Variants in SLC2A13 observed in about 807,000 individuals in gnomAD.
SLC2A13 encodes proton myo-inositol cotransporter.
SLC2A13 carries 32 observed loss-of-function variants against 64.4 expected under a neutral mutation model. The observed-to-expected ratio is 0.50, with a 90% CI of 0.37 to 0.67. The LOEUF (loss-of-function observed/expected upper bound fraction) is 0.67, where lower values mean the gene tolerates loss of function less well. SLC2A13 is among the 30% of genes least tolerant of loss of function. SLC2A13 has a pLI of 0.00. For synonymous variants in SLC2A13, 338 were observed against 327.1 expected (o/e 1.03, Z -0.36); for missense variants, 743 against 829.2 (o/e 0.90, Z 1.28).
rs999685109 is a variant in SLC2A13, at chr12:40,095,942, G to GT, written c.556+9310dup. ...TTTTTTGGGGTTTTTCTGTTTGTTTGTTTTTTTCTTGAGACGGAGTCTCGC... is the reference window on the plus strand; with the variant it reads ...TTTTTTGGGGTTTTTCTGTTTGTTTGTTTTTTTTCTTGAGACGGAGTCTCGC... On this transcript the variant is annotated intron_variant, in intron 1 of 9. Coordinates refer to ENST00000280871, the MANE Select transcript of SLC2A13 (RefSeq NM_052885.4). 4.3e-4 allele frequency among the ~76,000 whole-genome samples: 65 copies of GT among 152,058 alleles called. 1 individual carries two copies. The highest frequency in any genetic ancestry group is 6.9e-4 in the Non-Finnish European group (47 of 67,986).
intron 3 of SLC2A13, among the ~76,000 whole-genome samples, chr12:40,012,887 G>C (rs1049897971): frequency 6.6e-6 from 1 of 152,086 alleles, no homozygotes; most frequent in Non-Finnish European, 1.5e-5. Flanking sequence ...CAGGCCTCCG[G>C]GACTGAATGA....
chr12:39,911,755 T>C (rs1380199478), intron 4 of SLC2A13, among the ~76,000 whole-genome samples: 1 of 151,990 alleles, frequency 6.6e-6, no homozygotes, highest in Non-Finnish European at 1.5e-5. Flanking sequence ...ATAGGAAATA[T>C]AAAATTAGGT....
chr12:40,006,519 T>C (rs1463107734), intron 3 of SLC2A13, among the ~76,000 whole-genome samples: 1 of 152,130 alleles, frequency 6.6e-6, no homozygotes, highest in Non-Finnish European at 1.5e-5. Context: ...AGCTTATTAG[T>C]AAGAAAATTA....
At chr12:40,034,702 T>G (rs1405464476) in intron 2 of SLC2A13, among the ~76,000 whole-genome samples, 1 of 152,182 alleles carries the variant, frequency 6.6e-6, no homozygotes, top group African/African-American at 2.4e-5. Flanking sequence ...AAGTTGGTAT[T>G]CTTTCACAAA....
In SLC2A13 at chr12:39,759,641, T is replaced by G. The variant is rs767373219; in HGVS notation, c.*385A>C. ...TTGGACCATCTCCCAGAATCCTTTA[T>G]AAATATATTATACATATGTAATTTG... is the stretch of plus-strand genomic sequence containing the variant. On this transcript the variant is annotated 3_prime_UTR_variant, in exon 10 of 10. Coordinates refer to ENST00000280871, the MANE Select transcript of SLC2A13 (RefSeq NM_052885.4). 1.9e-4 allele frequency: 31 copies of G among 167,206 alleles called. No individual in the cohort carries two copies. Among genetic ancestry groups the G allele is most frequent in the Non-Finnish European group, 2.7e-4 (21 of 77,834 alleles). 10.4% of individuals were successfully genotyped at this position (167,206 alleles called of 1,614,324 possible).
intron 4 of SLC2A13, among the ~76,000 whole-genome samples, chr12:39,910,309 C>T (rs1277332308): frequency 6.6e-6 from 1 of 152,060 alleles, no homozygotes; most frequent in Non-Finnish European, 1.5e-5. Flanking sequence ...AAGGTCTTTT[C>T]TTCTATACTT....
At chr12:40,085,396 T>C (rs976948731) in intron 1 of SLC2A13, among the ~76,000 whole-genome samples, 24 of 152,086 alleles carry the variant, frequency 1.6e-4, no homozygotes, top group African/African-American at 5.3e-4. Context: ...GCTGTTGGCA[T>C]TGGGGGTGGT....
chr12:40,027,747 T>C (rs540091164), intron 3 of SLC2A13, among the ~76,000 whole-genome samples: 2 of 152,348 alleles, frequency 1.3e-5, no homozygotes, highest in South Asian at 4.1e-4. Context: ...AAAAAATGTA[T>C]CTTGAAATGT....
rs564625281 is a variant in SLC2A13, at chr12:39,978,989, C to A, written c.926-27624G>T. On this transcript the variant is annotated intron_variant, in intron 3 of 9. Transcript: ENST00000280871. Reference sequence around the variant, plus strand: ...AGCTGGAGATCTGAGAACGGGCAGACTGCCTCCTCAAGTGGGTCCCTGACC... The same window carrying A: ...AGCTGGAGATCTGAGAACGGGCAGAATGCCTCCTCAAGTGGGTCCCTGACC... Among the ~76,000 whole-genome samples the A allele has an allele frequency of 3.1e-4, 46 of 150,378 alleles. No homozygotes were observed. The East Asian group carries it at 8.7e-3, about 28-fold the overall frequency.
At chr12:40,033,030 G>A (rs971128906) in intron 2 of SLC2A13, among the ~76,000 whole-genome samples, 2 of 152,122 alleles carry the variant, frequency 1.3e-5, no homozygotes, top group Non-Finnish European at 2.9e-5. Context: ...ACCAGTTACC[G>A]TGTGCCAAGC....
At chr12:39,850,718 C>T (rs1001133937) in intron 6 of SLC2A13, among the ~76,000 whole-genome samples, 1 of 152,008 alleles carries the variant, frequency 6.6e-6, no homozygotes, top group African/African-American at 2.4e-5. Flanking sequence ...ATATTCTTGC[C>T]AAATTTGATT....
At chr12:39,827,543 T>C (rs1230847366) in intron 7 of SLC2A13, among the ~76,000 whole-genome samples, 2 of 152,152 alleles carry the variant, frequency 1.3e-5, no homozygotes, top group East Asian at 1.9e-4. Context: ...TTTGTGACGC[T>C]TGGGGATTTC....
intron 6 of SLC2A13, among the ~76,000 whole-genome samples, chr12:39,847,533 C>T (rs1383745398): frequency 6.6e-6 from 1 of 152,102 alleles, no homozygotes; most frequent in African/African-American, 2.4e-5. Flanking sequence ...GCTTGCTTCA[C>T]AGGAATGCTA....
intron 7 of SLC2A13, among the ~76,000 whole-genome samples, chr12:39,811,900 TTCTG>T (rs1942174054): frequency 6.6e-6 from 1 of 152,202 alleles, no homozygotes; most frequent in South Asian, 2.1e-4. Context: ...TTACTGGAGT[TTCTG>T]TCTTTTATTG....
rs568624871 is a variant in SLC2A13 at position 39,908,247 on chromosome 12, G to A, written c.1035-36286C>T. The stretch of plus-strand genomic sequence containing the variant: ...CTTGAAATGAGACTATTATCTTCCT[G>A]TTAATTATTCCATTATTTCCTAATG... On this transcript the variant is annotated intron_variant, in intron 4 of 9. Transcript: ENST00000280871. 6 of 151,992 alleles carry A rather than the reference G, an allele frequency of 3.9e-5. No homozygotes were observed. The South Asian group carries it at 1.2e-3, about 32-fold the overall frequency. The allele number at this position is 151,992 out of a possible 1,614,324, so 9.4% of individuals were successfully genotyped here.
chr12:39,883,161 T>C (rs904054953), intron 4 of SLC2A13, among the ~76,000 whole-genome samples: 3 of 152,182 alleles, frequency 2.0e-5, no homozygotes, highest in Non-Finnish European at 4.4e-5. Context: ...TTAATAATTA[T>C]AATAAGTAAC....
chr12:39,970,789 A>C (rs2136129291), intron 3 of SLC2A13, among the ~76,000 whole-genome samples: 1 of 152,362 alleles, frequency 6.6e-6, no homozygotes, highest in South Asian at 2.1e-4. Context: ...GCATTATTAC[A>C]TTGGCTATCA....
chr12:39,856,525 T>G (rs1021604779), intron 6 of SLC2A13, among the ~76,000 whole-genome samples: 1 of 152,050 alleles, frequency 6.6e-6, no homozygotes, highest in Non-Finnish European at 1.5e-5. Context: ...CATGCCACCA[T>G]GCCCAGCTAA....
At chr12:40,033,703 T>C (rs1408171505) in intron 2 of SLC2A13, among the ~76,000 whole-genome samples, 1 of 152,226 alleles carries the variant, frequency 6.6e-6, no homozygotes, top group African/African-American at 2.4e-5. Flanking sequence ...TTAATGTTTC[T>C]TTAACATACA....
Sources: allele counts gnomAD v4.1 joint callset (sites outside exome capture counted in the v4.1 genomes callset), GRCh38; gene constraint gnomAD v4.1.1; transcripts MANE v1.5; gene names NCBI Gene and HGNC (gene_info 2026-07-23, HGNC 2026-07-21).